HCRTR2: variants seen among roughly 807,000 people sequenced by gnomAD.
HCRTR2 encodes hypocretin receptor 2.
Under a neutral mutation model 49.0 loss-of-function variants are expected in HCRTR2, and 22 were observed. The observed-to-expected ratio is 0.45, with a 90% CI of 0.32 to 0.64. The LOEUF is 0.64. Among genes scored for constraint, HCRTR2 ranks in the 30% least tolerant of loss-of-function variants. The pLI is 0.04. For missense variants in HCRTR2, 491 were observed against 559.4 expected (o/e 0.88, Z 1.23); for synonymous variants, 236 against 205.3 (o/e 1.15, Z -1.28).
At chr6:55,130,302 C>G (rs1328821944) in intron 1 of HCRTR2, among the ~76,000 whole-genome samples, 1 of 151,888 alleles carries the variant, frequency 6.6e-6, no homozygotes, top group Non-Finnish European at 1.5e-5. Flanking sequence ...TGATTATTTT[C>G]CAGTATTCCC....
chr6:55,193,081 G>C (rs1026932595), intron 1 of HCRTR2, among the ~76,000 whole-genome samples: 10 of 152,140 alleles, frequency 6.6e-5, no homozygotes, highest in Admixed American at 5.9e-4. Flanking sequence ...AAAATAGTGA[G>C]AGAACATTCA....
rs1766813084 is a variant in HCRTR2 at position 55,263,798 on chromosome 6, A to G, written c.738A>G (p.Ile246Met). The G allele has an allele frequency of 6.2e-7, 1 of 1,610,674 alleles. No homozygotes were observed. Among genetic ancestry groups the G allele is most frequent in the African/African-American group, 1.3e-5 (1 of 74,922 alleles). The change falls in exon 4 of 7, where the codon ATA becomes ATG. Residue 246 changes from isoleucine to methionine, a missense_variant. Ile to Met is a conservative substitution (Grantham distance 10, BLOSUM62 1). Transcript: ENST00000370862. Reference protein sequence around the residue: ...LCLMVLAYLQIFRKLWCRQIP... With the variant: ...LCLMVLAYLQMFRKLWCRQIP... ...TCATGGTGTTGGCTTATCTGCAAAT[A>G]TTTCGCAAACTCTGGTGTCGACAGG...
chr6:55,115,797 AAAT>A (rs1431625109), intron 1 of HCRTR2, among the ~76,000 whole-genome samples: 1 of 151,592 alleles, frequency 6.6e-6, no homozygotes, highest in Non-Finnish European at 1.5e-5. Flanking sequence ...GATGAAACAT[AAAT>A]AATACAGAGA....
At chr6:55,130,177 A>G (rs1453535986) in intron 1 of HCRTR2, among the ~76,000 whole-genome samples, 2 of 151,880 alleles carry the variant, frequency 1.3e-5, no homozygotes, top group African/African-American at 4.8e-5. Context: ...CACTAATCTA[A>G]GGCCTTTCTC....
At position 55,183,401 on chromosome 6, in the gene HCRTR2, G is replaced by A. The variant is rs182425229; in HGVS notation, c.223+8591G>A. ...TGAAATAGAATGAGCTATGAAGAAA[G>A]TGTTAGGCAATTGGGTAAGTCCAAT... On this transcript the variant is annotated intron_variant, in intron 1 of 6. Transcript: ENST00000370862. Among the ~76,000 whole-genome samples the A allele has an allele frequency of 5.1e-4, 77 of 152,318 alleles. 2 individuals are homozygous for A. The East Asian group carries it at 0.012, about 23-fold the overall frequency.
intron 5 of HCRTR2, 75 bp downstream of exon 5, chr6:55,277,675 T>TTA: frequency 2.7e-6 from 3 of 1,106,532 alleles, no homozygotes; most frequent in South Asian, 2.7e-5. Flanking sequence ...TTTTTTTTTT[T>TTA]AACTAAGCCA....
At chr6:55,199,277 T>A (rs532018761) in intron 1 of HCRTR2, among the ~76,000 whole-genome samples, 1 of 151,816 alleles carries the variant, frequency 6.6e-6, no homozygotes, top group Non-Finnish European at 1.5e-5. Context: ...TTTTTTTTTT[T>A]AATGCAGCAT....
intron 1 of HCRTR2, among the ~76,000 whole-genome samples, chr6:55,137,362 G>A (rs116123169): frequency 1.9e-3 from 290 of 152,242 alleles, no homozygotes; most frequent in Non-Finnish European, 3.0e-3. Flanking sequence ...CTGAGATTAC[G>A]GACAATTCTT....
intron 1 of HCRTR2, among the ~76,000 whole-genome samples, chr6:55,217,326 G>T (rs1340911110): frequency 7.9e-5 from 12 of 152,090 alleles, no homozygotes; most frequent in Admixed American, 7.9e-4. Flanking sequence ...TGTTTACATG[G>T]CTAAGCAAGC....
chr6:55,221,812 CAA>C (rs140340337), intron 1 of HCRTR2, among the ~76,000 whole-genome samples: 5 of 128,028 alleles, frequency 3.9e-5, no homozygotes, highest in African/African-American at 1.2e-4. Flanking sequence ...GACTCCATCT[CAA>C]AAAAAAAAAA....
chr6:55,150,861 G>C (rs575317388), intron 1 of HCRTR2, among the ~76,000 whole-genome samples: 5 of 151,998 alleles, frequency 3.3e-5, no homozygotes, highest in African/African-American at 1.2e-4. Flanking sequence ...ACTTTCCTTA[G>C]AGGATACTGC....
At chr6:55,241,836 G>C (rs937993193) in intron 1 of HCRTR2, among the ~76,000 whole-genome samples, 18 of 134,028 alleles carry the variant, frequency 1.3e-4, no homozygotes, top group Admixed American at 3.7e-4. Flanking sequence ...TTCACATTTT[G>C]TAGTCTGTCT....
chr6:55,255,942 C>G (rs1766644880), intron 3 of HCRTR2, among the ~76,000 whole-genome samples: 1 of 152,096 alleles, frequency 6.6e-6, no homozygotes, highest in African/African-American at 2.4e-5. Context: ...AATTATTATC[C>G]AGTTTAAGAA....
chr6:55,150,164 T>G (rs1300313762), intron 1 of HCRTR2, among the ~76,000 whole-genome samples: 29 of 151,886 alleles, frequency 1.9e-4, no homozygotes, highest in Admixed American at 1.8e-3. Flanking sequence ...TATTAAGATA[T>G]TATTGACATT....
At chr6:55,246,869 T>C (rs1766454881) in intron 1 of HCRTR2, among the ~76,000 whole-genome samples, 1 of 152,078 alleles carries the variant, frequency 6.6e-6, no homozygotes, top group Non-Finnish European at 1.5e-5. Context: ...AAAGAAGTGC[T>C]TTTGAACATA....
intron 1 of HCRTR2, among the ~76,000 whole-genome samples, chr6:55,158,339 A>G (rs1387473678): frequency 1.3e-5 from 2 of 152,136 alleles, no homozygotes; most frequent in South Asian, 2.1e-4. Context: ...GGGTGCCTAC[A>G]CCACCAGGGC....
intron 5 of HCRTR2, 23 bp from the exon 6 acceptor site, chr6:55,280,300 T>C (rs1767163631): frequency 6.9e-7 from 1 of 1,454,934 alleles, no homozygotes; most frequent in African/African-American, 1.4e-5. Flanking sequence ...AAAGACACTT[T>C]TCTGTTGTTT....
chr6:55,268,794 T>C (rs1766911453), intron 4 of HCRTR2, among the ~76,000 whole-genome samples: 1 of 151,896 alleles, frequency 6.6e-6, no homozygotes, highest in African/African-American at 2.4e-5. Flanking sequence ...CTTGTAGTAA[T>C]GGATAGAAAA....
upstream of HCRTR2, chr6:55,174,342 G>C: frequency 1.8e-6 from 1 of 542,928 alleles, no homozygotes; most frequent in Non-Finnish European, 3.3e-6. Flanking sequence ...CTCCAGTGCC[G>C]GGTCCCTAGT....
Sources: gnomAD v4.1 joint callset for allele counts (sites outside exome capture counted in the v4.1 genomes callset) on GRCh38, gnomAD v4.1.1 for gene constraint, MANE v1.5 for transcripts, NCBI Gene and HGNC (gene_info 2026-07-23, HGNC 2026-07-21) for gene names.